The following ANGPT2 variants were observed in gnomAD, a reference collection of about 807,000 sequenced individuals.
The protein encoded by ANGPT2 is angiopoietin-2.
ANGPT2 carries 28 observed loss-of-function variants against 62.9 expected under a neutral mutation model. That is an observed-to-expected ratio of 0.44 (90% confidence interval 0.33 to 0.61). The LOEUF is 0.61. ANGPT2 is among the 20% of genes least tolerant of loss of function. The pLI is 0.03. For missense variants in ANGPT2, 727 were observed against 594.9 expected (o/e 1.22, Z -2.31); for synonymous variants, 284 against 207.8 (o/e 1.37, Z -3.15).
chr8:6,519,711 A>T (rs1041774519), intron 5 of ANGPT2, among the ~76,000 whole-genome samples, 153 bp downstream of exon 5: 1 of 152,140 alleles, frequency 6.6e-6, no homozygotes, highest in African/African-American at 2.4e-5. Context: ...CTTGGCAAGC[A>T]CTCTAGGCGA....
In ANGPT2 at chr8:6,562,820, C is replaced by T. The variant is rs1825761815; in HGVS notation, c.115G>A (p.Gly39Arg). The T allele has an allele frequency of 6.2e-7, 1 of 1,613,812 alleles. No individual in the cohort carries two copies. The highest frequency in any genetic ancestry group is 8.5e-7 in the Non-Finnish European group (1 of 1,179,990). Reference protein sequence around the residue: ...IGKKQYQVQHGSCSYTFLLPE... With the variant: ...IGKKQYQVQHRSCSYTFLLPE... ...AGGAGGAAAGTGTAGCTGCAGGACC[C>T]ATGCTGGACCTGATATTGCTTCTTT... Residue 39 changes from glycine to arginine, a missense_variant, in exon 1 of 9, where the codon GGG becomes AGG. Physicochemically the swap from Gly to Arg is moderately radical, Grantham distance 125. Coordinates refer to ENST00000629816, the MANE Select transcript of ANGPT2 (RefSeq NM_001118887.2).
At chr8:6,519,734 G>A in intron 5 of ANGPT2, 130 bp downstream of exon 5, 1 of 1,159,672 alleles carries the variant, frequency 8.6e-7, no homozygotes. Context: ...TAGCTGCCCA[G>A]TAACTATGGC....
chr8:6,506,682 T>C (rs980193238), intron 8 of ANGPT2, among the ~76,000 whole-genome samples: 8 of 151,482 alleles, frequency 5.3e-5, no homozygotes, highest in Non-Finnish European at 7.4e-5. Flanking sequence ...GCAAAATCAA[T>C]AGGAGGGCTT....
Position 6,521,398 on chromosome 8 carries a change from C to G in ANGPT2, c.579G>C (p.Lys193Asn), listed in dbSNP as rs375253394. 6 of 1,608,882 alleles carry G rather than the reference C, an allele frequency of 3.7e-6. No homozygotes were observed. In the African/African-American group the frequency reaches 6.7e-5, roughly 18 times the overall value. Reference protein sequence around the residue: ...KLQDKNSFLEKKVLAMEDKHI... With the variant: ...KLQDKNSFLENKVLAMEDKHI... ...GCTTGTCTTCCATAGCTAGCACCTT[C>G]TTTTCTAGGAAACTTGTAAGGAAAA... Residue 193 changes from lysine (K) to asparagine (N), a missense_variant, in exon 4 of 9, where the codon AAG becomes AAC. Physicochemically the swap from Lys to Asn is moderately conservative, Grantham distance 94 (BLOSUM62 0). Coordinates refer to ENST00000629816, the MANE Select transcript of ANGPT2 (RefSeq NM_001118887.2).
chr8:6,527,312 T>C (rs1046937292), intron 3 of ANGPT2, among the ~76,000 whole-genome samples: 2 of 152,212 alleles, frequency 1.3e-5, no homozygotes, highest in African/African-American at 4.8e-5. Context: ...GTTTGGAGGA[T>C]TACTCTAAGA....
intron 1 of ANGPT2, among the ~76,000 whole-genome samples, chr8:6,539,029 TTGTG>T (rs34625219): frequency 0.32 from 49,112 of 151,212 alleles, 8,977 homozygotes; most frequent in African/African-American, 0.5. Flanking sequence ...AGAGTTGGGC[TTGTG>T]TGTGTGTGTG....
chr8:6,557,712 C>T (rs199534105), intron 1 of ANGPT2, among the ~76,000 whole-genome samples: 1 of 150,550 alleles, frequency 6.6e-6, no homozygotes. Flanking sequence ...CACACACACA[C>T]ACATACATAT....
chr8:6,516,054 G>A (rs1245188557), intron 5 of ANGPT2, among the ~76,000 whole-genome samples: 1 of 152,206 alleles, frequency 6.6e-6, no homozygotes, highest in Admixed American at 6.5e-5. Context: ...TCTCTCTCCA[G>A]GAAGGTCACC....
chr8:6,532,238 AGTT>A, intron 2 of ANGPT2, 91 bp downstream of exon 2: 4 of 1,413,622 alleles, frequency 2.8e-6, no homozygotes, highest in Non-Finnish European at 2.9e-6. Flanking sequence ...TGCTTTCTTT[AGTT>A]TCTCATGCCT....
intron 3 of ANGPT2, among the ~76,000 whole-genome samples, chr8:6,523,008 C>A (rs1235051003): frequency 6.8e-6 from 1 of 147,292 alleles, no homozygotes; most frequent in East Asian, 2.0e-4. Context: ...TTTTTTTTTT[C>A]TTTTTTTGAG....
intron 1 of ANGPT2, among the ~76,000 whole-genome samples, chr8:6,550,205 C>G (rs957450884): frequency 9.2e-5 from 14 of 152,386 alleles, no homozygotes; most frequent in South Asian, 2.1e-4. Flanking sequence ...CCAGATGTTA[C>G]TCACTGGCTA....
chr8:6,524,609 G>A (rs1358836847), intron 3 of ANGPT2, among the ~76,000 whole-genome samples: 2 of 152,182 alleles, frequency 1.3e-5, no homozygotes, highest in Admixed American at 1.3e-4. Context: ...CATGTACGAG[G>A]TGTTTTTTAG....
chr8:6,535,353 A>C (rs1443659344), intron 1 of ANGPT2, among the ~76,000 whole-genome samples: 1 of 152,218 alleles, frequency 6.6e-6, no homozygotes, highest in Non-Finnish European at 1.5e-5. Context: ...GGAACTTTGA[A>C]AGACATACAG....
chr8:6,517,682 C>G (rs776501111), intron 5 of ANGPT2, among the ~76,000 whole-genome samples: 30 of 152,184 alleles, frequency 2.0e-4, no homozygotes, highest in Non-Finnish European at 3.5e-4. Context: ...GGGGCTGTCC[C>G]TGTGTTGTCA....
intron 7 of ANGPT2, among the ~76,000 whole-genome samples, chr8:6,509,874 C>T (rs1814621114): frequency 6.6e-6 from 1 of 152,212 alleles, no homozygotes; most frequent in South Asian, 2.1e-4. Context: ...GTTGTTCACC[C>T]TGGGGATCAC....
chr8:6,515,360 G>C (rs567069265), intron 5 of ANGPT2, among the ~76,000 whole-genome samples: 2 of 152,138 alleles, frequency 1.3e-5, no homozygotes, highest in African/African-American at 2.4e-5. Flanking sequence ...CTGAGCACAA[G>C]GGCCTTGAGG....
intron 7 of ANGPT2, among the ~76,000 whole-genome samples, chr8:6,509,311 G>T (rs948338474): frequency 1.3e-5 from 2 of 152,162 alleles, no homozygotes; most frequent in Non-Finnish European, 2.9e-5. Flanking sequence ...TATCAGAAGC[G>T]ACTGTAGAGC....
Position 6,562,968 on chromosome 8 carries a change from A to C in ANGPT2, c.-34T>G, listed in dbSNP as rs777398738. 13 of 1,550,262 alleles carry C rather than the reference A, an allele frequency of 8.4e-6. No individual in the cohort carries two copies. Among genetic ancestry groups the C allele is most frequent in the African/African-American group, 1.4e-5 (1 of 73,834 alleles). ...CAGTAATAAACCAGCAGCTTAGCAA[A>C]CTTGAGGGCAAACACACGTCCAGAG... is the stretch of plus-strand genomic sequence containing the variant. On this transcript the variant is annotated 5_prime_UTR_variant, in exon 1 of 9. Transcript: ENST00000629816.
chr8:6,513,698 T>G lies in ANGPT2; in HGVS notation c.1176A>C (p.Ser392=). Residue 392 remains serine (S), a synonymous_variant, in exon 7 of 9, where the codon TCA becomes TCC. Coordinates refer to ENST00000629816, the MANE Select transcript of ANGPT2 (RefSeq NM_001118887.2). ...CTTACCTATAATTGAGTTCTTCACTTGAGAGATAGAAATGTTCATACAATG... is the reference window on the plus strand; with the variant it reads ...CTTACCTATAATTGAGTTCTTCACTGGAGAGATAGAAATGTTCATACAATG... ...AYSLYEHFYL[S]SEELNYRIHL... 1 of 1,611,516 alleles carries G rather than the reference T, an allele frequency of 6.2e-7. No individual in the cohort carries two copies. Among genetic ancestry groups the G allele is most frequent in the Admixed American group, 1.7e-5 (1 of 59,476 alleles).
Sources: gnomAD v4.1 joint callset for allele counts (sites outside exome capture counted in the v4.1 genomes callset) on GRCh38, gnomAD v4.1.1 for gene constraint, MANE v1.5 for transcripts, NCBI Gene and HGNC (gene_info 2026-07-23, HGNC 2026-07-21) for gene names.